The following DENND1B variants were observed in gnomAD, a reference collection of about 807,000 sequenced individuals.
DENND1B encodes the protein DENN domain-containing protein 1B.
DENND1B carries 59 observed loss-of-function variants against 90.1 expected under a neutral mutation model. The ratio of observed to expected loss-of-function variants is 0.65; its 90% CI spans 0.53 to 0.81. The LOEUF is 0.81. DENND1B is among the 40% of genes least tolerant of loss of function. The pLI is 0.00. For synonymous variants in DENND1B, 337 were observed against 324.6 expected, an observed-to-expected ratio of 1.04 and a Z score of -0.41; for missense variants, 862 against 912.6, an observed-to-expected ratio of 0.94 and a Z score of 0.71.
chr1:197,651,818 G>A (rs1653234024), intron 7 of DENND1B, among the ~76,000 whole-genome samples: 1 of 151,636 alleles, frequency 6.6e-6, no homozygotes, highest in Admixed American at 6.6e-5. Flanking sequence ...ACCACGCCCG[G>A]CTAATTTTTT....
intron 3 of DENND1B, chr1:197,690,514 AT>A: frequency 5.6e-6 from 1 of 180,068 alleles, no homozygotes; most frequent in South Asian, 1.1e-4. Context: ...CCTCTTGGTC[AT>A]TTTACTGTTC....
intron 20 of DENND1B, among the ~76,000 whole-genome samples, chr1:197,515,885 T>C (rs1373225034): frequency 2.0e-5 from 3 of 151,884 alleles, no homozygotes; most frequent in African/African-American, 7.2e-5. Flanking sequence ...CCCTATTGTG[T>C]TGCAAGTCCC....
chr1:197,735,048 C>T (rs1662515017), intron 2 of DENND1B: 3 of 983,952 alleles, frequency 3.0e-6, no homozygotes, highest in Non-Finnish European at 3.6e-6. Context: ...AAAAAGCGGA[C>T]AAAATTTTAA....
chr1:197,694,544 C>T (rs1658239288), intron 3 of DENND1B, among the ~76,000 whole-genome samples: 1 of 151,294 alleles, frequency 6.6e-6, no homozygotes, highest in African/African-American at 2.4e-5. Flanking sequence ...ATTCATCAGC[C>T]TATGTTAGGT....
chr1:197,733,570 C>T (rs1426584523), intron 2 of DENND1B, among the ~76,000 whole-genome samples: 1 of 152,154 alleles, frequency 6.6e-6, no homozygotes, highest in Non-Finnish European at 1.5e-5. Context: ...CTGTCTTTGT[C>T]TTCGTTGTTT....
At chr1:197,586,422 T>TAGAAA (rs1674703049) in intron 14 of DENND1B, among the ~76,000 whole-genome samples, 4 of 152,156 alleles carry the variant, frequency 2.6e-5, no homozygotes, top group African/African-American at 9.7e-5. Context: ...TGGTAAGTAT[T>TAGAAA]TATACATATA....
chr1:197,519,870 C>A (rs915337093), intron 20 of DENND1B, among the ~76,000 whole-genome samples: 25 of 151,730 alleles, frequency 1.6e-4, no homozygotes, highest in Admixed American at 7.2e-4. Flanking sequence ...TTAAGGGGCC[C>A]ATTAAGACTT....
intron 2 of DENND1B, among the ~76,000 whole-genome samples, chr1:197,761,402 A>G (rs1433249977): frequency 2.6e-5 from 4 of 152,160 alleles, no homozygotes; most frequent in Admixed American, 2.0e-4. Context: ...AACCACTTCC[A>G]TGCAAGTTTA....
chr1:197,605,448 A>C (rs1021798713), intron 13 of DENND1B: 1 of 151,014 alleles, frequency 6.6e-6, no homozygotes, highest in African/African-American at 2.4e-5. Context: ...TAAAAATTTT[A>C]ATATCACGTA....
the DENND1B span, among the ~76,000 whole-genome samples, chr1:197,781,163 T>C: frequency 6.6e-6 from 1 of 152,186 alleles, no homozygotes; most frequent in African/African-American, 2.4e-5. Context: ...CTATTAATAA[T>C]GCTTCAGGTT....
At chr1:197,667,450 C>T (rs1313842724) in intron 5 of DENND1B, among the ~76,000 whole-genome samples, 2 of 151,300 alleles carry the variant, frequency 1.3e-5, no homozygotes, top group African/African-American at 4.9e-5. Context: ...CTTTTTTTTC[C>T]GAGACAGAGT....
intron 10 of DENND1B, among the ~76,000 whole-genome samples, chr1:197,628,885 T>G (rs911285208): frequency 1.1e-4 from 17 of 152,024 alleles, no homozygotes; most frequent in African/African-American, 4.1e-4. Context: ...CAGACACTTC[T>G]CAAAAGAAGA....
At chr1:197,648,937 T>C (rs1652791226) in intron 7 of DENND1B, among the ~76,000 whole-genome samples, 1 of 152,232 alleles carries the variant, frequency 6.6e-6, no homozygotes, top group Non-Finnish European at 1.5e-5. Flanking sequence ...TAGTTTTTTA[T>C]CACCCAGTCT....
chr1:197,513,187 C>T (rs1310784535), intron 20 of DENND1B, among the ~76,000 whole-genome samples: 1 of 143,578 alleles, frequency 7.0e-6, no homozygotes, highest in Non-Finnish European at 1.5e-5. Context: ...AAAAAAAAAC[C>T]CAACAGATCA....
chr1:197,642,917 G>A, intron 9 of DENND1B, 96 bp from the exon 10 acceptor site: 2 of 725,296 alleles, frequency 2.8e-6, no homozygotes, highest in South Asian at 2.0e-5. Context: ...AAGTTCAAAG[G>A]GTATTATTAT....
intron 3 of DENND1B, among the ~76,000 whole-genome samples, chr1:197,692,113 T>C (rs1209100024): frequency 6.6e-6 from 1 of 151,242 alleles, no homozygotes; most frequent in African/African-American, 2.4e-5. Flanking sequence ...AGATCTCATG[T>C]ATCTGTGCCT....
chr1:197,568,499 T>C (rs1005723512), intron 15 of DENND1B, among the ~76,000 whole-genome samples: 1 of 151,934 alleles, frequency 6.6e-6, no homozygotes, highest in Non-Finnish European at 1.5e-5. Flanking sequence ...TAAAAATCAA[T>C]CCTAAAATTC....
chr1:197,665,674 A>G (rs1000336942), intron 5 of DENND1B, among the ~76,000 whole-genome samples: 6 of 152,166 alleles, frequency 3.9e-5, no homozygotes, highest in East Asian at 1.9e-4. Context: ...AATATCTTAA[A>G]GCTTCTTAAA....
chr1:197,536,343 TATTTA>T (rs1669906062), intron 20 of DENND1B, among the ~76,000 whole-genome samples: 1 of 152,198 alleles, frequency 6.6e-6, no homozygotes, highest in African/African-American at 2.4e-5. Flanking sequence ...GATATTATTT[TATTTA>T]ATTTGTGAGT....
Sources: allele counts gnomAD v4.1 joint callset (sites outside exome capture counted in the v4.1 genomes callset), GRCh38; gene constraint gnomAD v4.1.1; transcripts MANE v1.5; gene names NCBI Gene and HGNC (gene_info 2026-07-23, HGNC 2026-07-21).